Variants in KLHL32 observed in about 807,000 individuals in gnomAD.
KLHL32 encodes the protein kelch like family member 32.
In KLHL32, 35 loss-of-function variants were observed where a neutral mutation model predicts 64.8. The observed-to-expected ratio is 0.54, with a 90% CI of 0.41 to 0.72. The LOEUF (loss-of-function observed/expected upper bound fraction) is 0.72. Among genes scored for constraint, KLHL32 ranks in the 30% least tolerant of loss-of-function variants. The pLI is 0.00. For synonymous variants in KLHL32, 259 were observed against 281.0 expected, an observed-to-expected ratio of 0.92 and a Z score of 0.78; for missense variants, 589 against 768.5, an observed-to-expected ratio of 0.77 and a Z score of 2.76.
intron 4 of KLHL32, among the ~76,000 whole-genome samples, chr6:97,060,049 A>G (rs916655738): frequency 2.0e-5 from 3 of 152,186 alleles, no homozygotes; most frequent in African/African-American, 4.8e-5. Flanking sequence ...CACACATGGT[A>G]TGTGTGTTTA....
intron 3 of KLHL32, among the ~76,000 whole-genome samples, chr6:97,002,405 C>T (rs558072719): frequency 1.1e-4 from 16 of 152,138 alleles, no homozygotes; most frequent in South Asian, 8.3e-4. Context: ...AAAAATATAA[C>T]GAATATAGCT....
At chr6:97,105,992 A>G (rs1796359057) in intron 6 of KLHL32, among the ~76,000 whole-genome samples, 1 of 152,174 alleles carries the variant, frequency 6.6e-6, no homozygotes, top group Admixed American at 6.5e-5. Context: ...AAATCGGAGA[A>G]TAACATTTTC....
chr6:96,906,927 C>A, the KLHL32 span, among the ~76,000 whole-genome samples: 6 of 152,054 alleles, frequency 3.9e-5, no homozygotes, highest in African/African-American at 1.4e-4. Context: ...AGAGAAGTCT[C>A]CAGAGAAGGC....
chr6:97,091,317 G>T (rs960668384), intron 6 of KLHL32, among the ~76,000 whole-genome samples: 1 of 152,168 alleles, frequency 6.6e-6, no homozygotes, highest in African/African-American at 2.4e-5. Context: ...GCCTGCCTCC[G>T]TGTCTGTGTC....
At chr6:96,974,885 T>C (rs1188372537) in intron 2 of KLHL32, among the ~76,000 whole-genome samples, 1 of 152,214 alleles carries the variant, frequency 6.6e-6, no homozygotes, top group East Asian at 1.9e-4. Flanking sequence ...GAGACACAGC[T>C]TAATCATCCC....
chr6:96,964,764 A>G (rs540406477), intron 1 of KLHL32, among the ~76,000 whole-genome samples: 22 of 152,384 alleles, frequency 1.4e-4, no homozygotes, highest in African/African-American at 5.3e-4. Flanking sequence ...GGAATAATAA[A>G]TAGTAAATAA....
intron 3 of KLHL32, among the ~76,000 whole-genome samples, chr6:97,009,927 T>A (rs1780152448): frequency 6.6e-6 from 1 of 151,994 alleles, no homozygotes; most frequent in African/African-American, 2.4e-5. Flanking sequence ...ATACCAGCTC[T>A]GGGGACTGAG....
chr6:97,001,083 A>G (rs1447917056), intron 3 of KLHL32, among the ~76,000 whole-genome samples: 2 of 152,238 alleles, frequency 1.3e-5, no homozygotes, highest in East Asian at 1.9e-4. Flanking sequence ...AAACTATTCT[A>G]TATGATACTG....
At chr6:96,913,192 A>G in the KLHL32 span, among the ~76,000 whole-genome samples, 3 of 152,220 alleles carry the variant, frequency 2.0e-5, no homozygotes. Context: ...GTTTAGGTAC[A>G]TCATAACTCC....
chr6:97,002,651 C>A (rs953675121), intron 3 of KLHL32, among the ~76,000 whole-genome samples: 8 of 152,138 alleles, frequency 5.3e-5, no homozygotes, highest in African/African-American at 1.9e-4. Flanking sequence ...GTAGGCCCCA[C>A]TGTCTATTGT....
At chr6:97,014,404 G>A (rs1780857561) in intron 3 of KLHL32, among the ~76,000 whole-genome samples, 1 of 151,556 alleles carries the variant, frequency 6.6e-6, no homozygotes, top group Non-Finnish European at 1.5e-5. Context: ...TATATAGTAT[G>A]TCTATATAAT....
At chr6:97,094,305 C>G (rs994341218) in intron 6 of KLHL32, among the ~76,000 whole-genome samples, 2 of 152,062 alleles carry the variant, frequency 1.3e-5, no homozygotes, top group South Asian at 4.1e-4. Context: ...CCCAGAGGCT[C>G]TAGAATTATT....
intron 5 of KLHL32, among the ~76,000 whole-genome samples, chr6:97,083,253 G>A (rs959223477): frequency 7.2e-5 from 11 of 152,170 alleles, no homozygotes; most frequent in East Asian, 1.9e-4. Flanking sequence ...AGCTGGGTGC[G>A]ATGGCACGCG....
At chr6:96,989,442 G>A (rs1413965704) in intron 3 of KLHL32, among the ~76,000 whole-genome samples, 6 of 152,150 alleles carry the variant, frequency 3.9e-5, no homozygotes, top group Non-Finnish European at 7.4e-5. Context: ...CTTCAGGCTT[G>A]TAGGGTTTCT....
At chr6:96,913,338 C>A in the KLHL32 span, among the ~76,000 whole-genome samples, 1 of 152,158 alleles carries the variant, frequency 6.6e-6, no homozygotes, top group South Asian at 2.1e-4. Flanking sequence ...ACTGCAATAA[C>A]CAATCACTGT....
In KLHL32 at chr6:96,966,981, T is replaced by C. The variant is rs370486249; in HGVS notation, c.-65-15T>C. On this transcript the variant is annotated splice_polypyrimidine_tract_variant and intron_variant, in intron 1 of 10. Coordinates refer to ENST00000369261, the MANE Select transcript of KLHL32 (RefSeq NM_052904.4). ...TTTAGCTCAATGCACCCTTTTCTCT[T>C]GTCTTTTTATTCAGCTGGAATGCTT... The C allele has an allele frequency of 1.5e-5, 20 of 1,334,744 alleles. No homozygotes were observed. The African/African-American group carries it at 2.6e-4, about 17-fold the overall frequency. The allele number at this position is 1,334,744 out of a possible 1,614,324, so 82.7% of individuals were successfully genotyped here.
chr6:96,940,541 G>A (rs1771157503), intron 1 of KLHL32, among the ~76,000 whole-genome samples: 1 of 152,164 alleles, frequency 6.6e-6, no homozygotes, highest in Non-Finnish European at 1.5e-5. Flanking sequence ...AGCATGCATG[G>A]TGACTCAGAG....
At chr6:97,088,568 A>C (rs1432176403) in intron 6 of KLHL32, among the ~76,000 whole-genome samples, 1 of 152,216 alleles carries the variant, frequency 6.6e-6, no homozygotes, top group Non-Finnish European at 1.5e-5. Flanking sequence ...GTCAAAGGGC[A>C]CAAAACTTTC....
intron 3 of KLHL32, among the ~76,000 whole-genome samples, chr6:96,984,823 T>G (rs1408161111): frequency 6.6e-6 from 1 of 152,228 alleles, no homozygotes; most frequent in Non-Finnish European, 1.5e-5. Flanking sequence ...TGACTCTTTA[T>G]CCAATTTGCC....
Sources: allele counts gnomAD v4.1 joint callset (sites outside exome capture counted in the v4.1 genomes callset), GRCh38; gene constraint gnomAD v4.1.1; transcripts MANE v1.5; gene names NCBI Gene and HGNC (gene_info 2026-07-23, HGNC 2026-07-21).